Variants in GPHN observed in about 807,000 individuals in gnomAD.
GPHN encodes the protein gephyrin.
Under a neutral mutation model 95.5 loss-of-function variants are expected in GPHN, and 17 were observed. The observed-to-expected ratio is 0.18, with a 90% CI of 0.12 to 0.27. The LOEUF (loss-of-function observed/expected upper bound fraction) is 0.27. Among genes scored for constraint, GPHN ranks in the 10% least tolerant of loss-of-function variants. The pLI is 1.00. For synonymous variants in GPHN, 320 were observed against 322.5 expected (o/e 0.99, Z 0.08); for missense variants, 660 against 978.1 (o/e 0.67, Z 4.34).
In GPHN at chr14:66,508,508, C is replaced by A; in HGVS notation, c.-20C>A. 3 of 1,612,720 alleles carry A rather than the reference C, an allele frequency of 1.9e-6. No individual in the cohort carries two copies. Among genetic ancestry groups the A allele is most frequent in the Non-Finnish European group, 2.5e-6 (3 of 1,178,764 alleles). On this transcript the variant is annotated 5_prime_UTR_variant, in exon 1 of 23. Coordinates refer to ENST00000478722, the MANE Select transcript of GPHN (RefSeq NM_020806.5). ...CGGTTTCTCCCGGCTCCTGTCAGTGCGGTGACTGCGCTGGGAAACATGGCG... is the reference window on the plus strand; with the variant it reads ...CGGTTTCTCCCGGCTCCTGTCAGTGAGGTGACTGCGCTGGGAAACATGGCG...
the GPHN span, among the ~76,000 whole-genome samples, chr14:67,389,259 A>G: frequency 1.3e-5 from 2 of 152,126 alleles, no homozygotes; most frequent in Non-Finnish European, 2.9e-5. Flanking sequence ...CTAAATGCCA[A>G]CGGGAGGAAA....
chr14:67,376,890 C>T, the GPHN span, among the ~76,000 whole-genome samples: 1 of 152,178 alleles, frequency 6.6e-6, no homozygotes, highest in East Asian at 1.9e-4. Flanking sequence ...TTTTCTCTAC[C>T]TCTTTTGACT....
At chr14:67,662,597 T>TAA in the GPHN span, 3 of 1,440,072 alleles carry the variant, frequency 2.1e-6, no homozygotes, top group Middle Eastern at 1.8e-4. Context: ...TAAAGGCCAT[T>TAA]CCCTCTGCTT....
intron 9 of GPHN, among the ~76,000 whole-genome samples, chr14:66,985,104 T>C (rs545255169): frequency 1.2e-4 from 18 of 152,270 alleles, no homozygotes; most frequent in African/African-American, 4.3e-4. Flanking sequence ...TATCTAACAT[T>C]GGTCTGGCAT....
intron 8 of GPHN, among the ~76,000 whole-genome samples, chr14:66,960,136 G>T (rs1163647912): frequency 2.0e-5 from 3 of 151,762 alleles, no homozygotes; most frequent in African/African-American, 7.3e-5. Flanking sequence ...CATCATTCTT[G>T]TTCTTGCCTT....
At chr14:67,086,148 G>T (rs189398191) in intron 11 of GPHN, among the ~76,000 whole-genome samples, 32 of 152,266 alleles carry the variant, frequency 2.1e-4, no homozygotes, top group African/African-American at 6.7e-4. Flanking sequence ...GATTATTGTG[G>T]ATAATGTTGT....
chr14:67,261,776 T>A, the GPHN span, among the ~76,000 whole-genome samples: 3 of 151,102 alleles, frequency 2.0e-5, no homozygotes, highest in Non-Finnish European at 4.4e-5. Context: ...GAGTTTTTTT[T>A]AGGTACTTTG....
At chr14:67,034,396 G>A (rs955554725) in intron 10 of GPHN, among the ~76,000 whole-genome samples, 1 of 152,128 alleles carries the variant, frequency 6.6e-6, no homozygotes, top group African/African-American at 2.4e-5. Flanking sequence ...GAGGGAAAAA[G>A]AGGGACTAAA....
At chr14:66,855,596 A>G (rs1157046964) in intron 4 of GPHN, among the ~76,000 whole-genome samples, 3 of 152,146 alleles carry the variant, frequency 2.0e-5, no homozygotes, top group African/African-American at 4.8e-5. Flanking sequence ...ACATTGGCAA[A>G]CAAGTATATG....
At chr14:66,687,776 A>G (rs764405412) in intron 2 of GPHN, among the ~76,000 whole-genome samples, 3 of 152,182 alleles carry the variant, frequency 2.0e-5, no homozygotes, top group African/African-American at 7.2e-5. Flanking sequence ...GGCATGAGCC[A>G]CTGTGCCTGG....
At chr14:67,557,208 T>G in the GPHN span, 1 of 1,452,682 alleles carries the variant, frequency 6.9e-7, no homozygotes, top group African/African-American at 1.4e-5. Context: ...CCCACGTTAC[T>G]GGCCACTGCA....
At chr14:67,611,778 TG>T in the GPHN span, among the ~76,000 whole-genome samples, 3 of 151,900 alleles carry the variant, frequency 2.0e-5, no homozygotes, top group Non-Finnish European at 4.4e-5. Flanking sequence ...CAGACCAGGG[TG>T]GGGGGATGGT....
At chr14:66,564,839 A>C (rs2060397061) in intron 1 of GPHN, among the ~76,000 whole-genome samples, 1 of 152,126 alleles carries the variant, frequency 6.6e-6, no homozygotes, top group South Asian at 2.1e-4. Flanking sequence ...TACACACCCT[A>C]CTATCAAATA....
chr14:67,562,082 G>C, the GPHN span: 1 of 1,604,580 alleles, frequency 6.2e-7, no homozygotes. Flanking sequence ...TGTTTGGTGG[G>C]TATGGGGCTG....
intron 2 of GPHN, among the ~76,000 whole-genome samples, chr14:66,767,550 C>T (rs1203041031): frequency 1.3e-5 from 2 of 151,466 alleles, no homozygotes; most frequent in East Asian, 1.9e-4. Context: ...CTTCTGTCTT[C>T]TTAGTAAGAC....
chr14:66,951,237 G>A (rs2068090554), intron 8 of GPHN, among the ~76,000 whole-genome samples: 1 of 151,948 alleles, frequency 6.6e-6, no homozygotes, highest in South Asian at 2.1e-4. Flanking sequence ...AAGGGATAAA[G>A]GGCCAGGCAC....
At chr14:66,793,910 C>A (rs2060065574) in intron 3 of GPHN, among the ~76,000 whole-genome samples, 1 of 151,850 alleles carries the variant, frequency 6.6e-6, no homozygotes, top group African/African-American at 2.4e-5. Flanking sequence ...AGAAAAATGG[C>A]AAATGTAAAT....
intron 9 of GPHN, among the ~76,000 whole-genome samples, chr14:67,022,548 T>C (rs1419768670): frequency 3.5e-5 from 4 of 112,734 alleles, no homozygotes; most frequent in Non-Finnish European, 7.2e-5. Context: ...TTCCTTTTTT[T>C]TTTTTTTTTT....
intron 3 of GPHN, among the ~76,000 whole-genome samples, chr14:66,794,273 G>A (rs545937823): frequency 3.3e-5 from 5 of 152,166 alleles, no homozygotes; most frequent in East Asian, 1.9e-4. Context: ...AGATCTGGTC[G>A]TCTGAAAGTG....
Sources: gnomAD v4.1 joint callset for allele counts (sites outside exome capture counted in the v4.1 genomes callset) on GRCh38, gnomAD v4.1.1 for gene constraint, MANE v1.5 for transcripts, NCBI Gene and HGNC (gene_info 2026-07-23, HGNC 2026-07-21) for gene names.